GRM4: variants seen among roughly 807,000 people sequenced by gnomAD.
GRM4 encodes glutamate metabotropic receptor 4, also known as metabotropic glutamate receptor 4.
A neutral mutation model predicts 81.7 loss-of-function variants in GRM4; 28 were observed. The observed-to-expected ratio is 0.34, with a 90% confidence interval of 0.25 to 0.47. The LOEUF is 0.47. Ranked by LOEUF, GRM4 falls within the 20% of genes least tolerant of loss-of-function variation. The probability of loss-of-function intolerance (pLI) is 1.00; values close to 1 mark genes in which losing one functional copy is unlikely to be tolerated. For synonymous variants in GRM4, 488 were observed against 528.8 expected (o/e 0.92, Z 1.06); for missense variants, 948 against 1,290.0 (o/e 0.73, Z 4.06).
In GRM4 at chr6:34,133,521, A is replaced by G; in HGVS notation, c.-25T>C. 1 of 1,529,636 alleles carries G rather than the reference A, an allele frequency of 6.5e-7. No individual in the cohort carries two copies. Among genetic ancestry groups the G allele is most frequent in the Non-Finnish European group, 8.8e-7 (1 of 1,141,236 alleles). 94.8% of individuals were successfully genotyped at this position (1,529,636 alleles called of 1,614,324 possible). On this transcript the variant is annotated 5_prime_UTR_variant, in exon 2 of 11. Transcript: ENST00000538487. The surrounding 1 kb of genome is among the most constrained non-coding windows in gnomAD (Gnocchi z 6.5). ...TCTCGGAAATCCCTAGAGACCCATG[A>G]ACGGCAGGCCCACTCCTAGCCCTGG...
rs1767509380 is a variant in GRM4, at chr6:34,080,069, T to C, written c.736+11814A>G. Among the ~76,000 whole-genome samples, 1 of 152,204 alleles carries C rather than the reference T, an allele frequency of 6.6e-6. No homozygotes were observed. Among genetic ancestry groups the C allele is most frequent in the Non-Finnish European group, 1.5e-5 (1 of 68,018 alleles). On this transcript the variant is annotated intron_variant, in intron 3 of 10. Coordinates refer to ENST00000538487, the MANE Select transcript of GRM4 (RefSeq NM_000841.4). The surrounding 1 kb of genome is among the most constrained non-coding windows in gnomAD (Gnocchi z 5.4). ...CTCCCTGCCTCACTCATTCTGCCCC[T>C]GCCTCCTGGTTATTCTCCAAATGCC...
At chr6:34,052,681 G>T (rs1418361111) in intron 6 of GRM4, among the ~76,000 whole-genome samples, 2 of 152,204 alleles carry the variant, frequency 1.3e-5, no homozygotes, top group Non-Finnish European at 2.9e-5. Context: ...GTGGGGGCAG[G>T]TGGAGAATAG....
Position 34,133,106 on chromosome 6 carries a change from C to T in GRM4, c.391G>A (p.Gly131Ser). 6.2e-7 allele frequency: 1 copy of T among 1,614,054 alleles called. No homozygotes were observed. Among genetic ancestry groups the T allele is most frequent in the South Asian group, 1.1e-5 (1 of 91,054 alleles). Residue 131 changes from glycine (G) to serine (S), a missense_variant, in exon 2 of 11, where the codon GGC becomes AGC. Gly to Ser is a moderately conservative substitution (Grantham distance 56). Coordinates refer to ENST00000538487, the MANE Select transcript of GRM4 (RefSeq NM_000841.4). This position sits in a 1 kb window ranked among gnomAD's most constrained non-coding sequence, Gnocchi z 6.5. ...CCACTGCCACAGCGGACCTCTGTGC[C>T]ATCCTTCTCGATGAGCGCCTGCACA... ...TFVQALIEKD[G>S]TEVRCGSGGP...
intron 1 of GRM4, among the ~76,000 whole-genome samples, chr6:34,145,640 G>C (rs1770899440): frequency 6.6e-6 from 1 of 152,214 alleles, no homozygotes; most frequent in South Asian, 2.1e-4. Context: ...GCGCTGAGAG[G>C]GGAGGCTGCG....
At chr6:34,031,610 C>G (rs950247706) in intron 9 of GRM4, among the ~76,000 whole-genome samples, 1 of 152,224 alleles carries the variant, frequency 6.6e-6, no homozygotes, top group African/African-American at 2.4e-5. Flanking sequence ...TTCCCCACAC[C>G]CTGATTGCCT....
Position 34,092,953 on chromosome 6 carries a change from G to C in GRM4, c.520-854C>G, listed in dbSNP as rs1048344631. Among the ~76,000 whole-genome samples, 7 of 152,188 alleles carry C rather than the reference G, an allele frequency of 4.6e-5. No homozygotes were observed. The highest frequency in any genetic ancestry group is 1.4e-4 in the African/African-American group (6 of 41,554). Reference sequence around the variant, plus strand: ...CCTCTCCGCCCCTCCCCTCCAGGGCGCCACCCACTGCTCTGCTCTCCCGGC... The same window carrying C: ...CCTCTCCGCCCCTCCCCTCCAGGGCCCCACCCACTGCTCTGCTCTCCCGGC... On this transcript the variant is annotated intron_variant, in intron 2 of 10. Transcript: ENST00000538487. The surrounding 1 kb of genome is among the most constrained non-coding windows in gnomAD (Gnocchi z 6.8).
intron 5 of GRM4, among the ~76,000 whole-genome samples, chr6:34,056,933 G>A (rs1765926827): frequency 1.3e-5 from 2 of 152,220 alleles, no homozygotes; most frequent in Admixed American, 6.5e-5. Context: ...GAAGCACACC[G>A]ATGAGGATGT....
chr6:34,059,532 C>T lies in GRM4; in HGVS notation c.873-404G>A, dbSNP rs1316750172. ...TTCCTGGCTCATCCACCCCCACATT[C>T]CTTGCCCATTCTCACACGCATCCAC... On this transcript the variant is annotated intron_variant, in intron 4 of 10. Coordinates refer to ENST00000538487, the MANE Select transcript of GRM4 (RefSeq NM_000841.4). The surrounding 1 kb of genome is among the most constrained non-coding windows in gnomAD (Gnocchi z 5.7). 2 of 239,690 alleles carry T rather than the reference C, an allele frequency of 8.3e-6. No homozygotes were observed. The highest frequency in any genetic ancestry group is 5.0e-5 in the Admixed American group (1 of 19,802). 14.8% of individuals were successfully genotyped at this position (239,690 alleles called of 1,614,324 possible).
At chr6:34,085,676 C>T (rs1290908305) in intron 3 of GRM4, among the ~76,000 whole-genome samples, 1 of 152,192 alleles carries the variant, frequency 6.6e-6, no homozygotes, top group Non-Finnish European at 1.5e-5. Context: ...CTACTATGTG[C>T]CAGGGCTGTG....
chr6:34,133,824 A>G lies in GRM4; in HGVS notation c.-328T>C. The G allele has an allele frequency of 8.9e-7, 1 of 1,118,650 alleles. No homozygotes were observed. The highest frequency in any genetic ancestry group is 1.1e-6 in the Non-Finnish European group (1 of 916,138). The allele number at this position is 1,118,650 out of a possible 1,614,324, so 69.3% of individuals were successfully genotyped here. On this transcript the variant is annotated 5_prime_UTR_variant, in exon 2 of 11. Transcript: ENST00000538487. The surrounding 1 kb of genome is among the most constrained non-coding windows in gnomAD (Gnocchi z 6.5). ...CCTAGCTTGGCGTATCTTGGCATCA[A>G]GGAGAAAACAGCTCCAATCCTCTCC...
chr6:34,141,898 C>A (rs1283171234), intron 1 of GRM4, among the ~76,000 whole-genome samples: 1 of 152,142 alleles, frequency 6.6e-6, no homozygotes, highest in East Asian at 1.9e-4. Context: ...TCAGGTTCAT[C>A]TGGGAGGCAG....
At chr6:34,132,866 T>G in intron 2 of GRM4, 112 bp downstream of exon 2, 2 of 826,192 alleles carry the variant, frequency 2.4e-6, no homozygotes, top group East Asian at 2.6e-5. Context: ...TCCCTTAGAG[T>G]GAGGAAAAAA....
At position 34,069,608 on chromosome 6, in the gene GRM4, C is replaced by T. The variant is rs1342604134; in HGVS notation, c.737-7580G>A. ...TCCCCAGCTCATCAGTCTCCAGCCC[C>T]TCAACACACTCCCGGCTTTACAACC... On this transcript the variant is annotated intron_variant, in intron 3 of 10. Coordinates refer to ENST00000538487, the MANE Select transcript of GRM4 (RefSeq NM_000841.4). The surrounding 1 kb of genome is among the most constrained non-coding windows in gnomAD (Gnocchi z 6.4). 6.6e-6 allele frequency among the ~76,000 whole-genome samples: 1 copy of T among 152,050 alleles called. No homozygotes were observed. The highest frequency in any genetic ancestry group is 1.5e-5 in the Non-Finnish European group (1 of 67,998).
intron 3 of GRM4, among the ~76,000 whole-genome samples, chr6:34,073,247 C>CGTCATCGGAT (rs1767102568): frequency 0.011 from 2 of 188 alleles, no homozygotes; most frequent in Non-Finnish European, 0.028. Flanking sequence ...GCCACACACA[C>CGTCATCGGAT]ACATCACCAC....
At position 34,042,198 on chromosome 6, in the gene GRM4, G is replaced by A. The variant is rs551025997; in HGVS notation, c.1169-1450C>T. Among the ~76,000 whole-genome samples, 4 of 152,312 alleles carry A rather than the reference G, an allele frequency of 2.6e-5. No individual in the cohort carries two copies. The highest frequency in any genetic ancestry group is 2.0e-4 in the Admixed American group (3 of 15,308). On this transcript the variant is annotated intron_variant, in intron 6 of 10. Coordinates refer to ENST00000538487, the MANE Select transcript of GRM4 (RefSeq NM_000841.4). This position sits in a 1 kb window ranked among gnomAD's most constrained non-coding sequence, Gnocchi z 4.2. ...CAAGGATCACATGAACCCGGGAGGCGGAGCTTGCAGTGAGCTGAGATTGCA... is the reference window on the plus strand; with the variant it reads ...CAAGGATCACATGAACCCGGGAGGCAGAGCTTGCAGTGAGCTGAGATTGCA...
Position 34,058,965 on chromosome 6 carries a change from C to T in GRM4, c.1027+9G>A, listed in dbSNP as rs369310719. 5 of 1,610,118 alleles carry T rather than the reference C, an allele frequency of 3.1e-6. No individual in the cohort carries two copies. The highest frequency in any genetic ancestry group is 4.2e-6 in the Non-Finnish European group (5 of 1,179,288). ...ATGGTGCCGACCACCTGCACCCGCC[C>T]AGCCTTACCTCGTACGGACATCCTC... On this transcript the variant is annotated intron_variant, in intron 5 of 10. Transcript: ENST00000538487.
intron 1 of GRM4, among the ~76,000 whole-genome samples, chr6:34,154,016 A>G (rs1340000672): frequency 6.6e-6 from 1 of 151,716 alleles, no homozygotes; most frequent in Non-Finnish European, 1.5e-5. Context: ...GGTGTTTGGG[A>G]CTGTCTGTGG....
At chr6:34,105,858 A>T (rs1769100063) in intron 2 of GRM4, 1 of 152,140 alleles carries the variant, frequency 6.6e-6, no homozygotes, top group Non-Finnish European at 1.5e-5. Context: ...ACACATCCCA[A>T]ACCTGATTTA....
intron 2 of GRM4, among the ~76,000 whole-genome samples, chr6:34,097,183 G>T (rs1287860608): frequency 6.6e-6 from 1 of 152,222 alleles, no homozygotes; most frequent in East Asian, 1.9e-4. Context: ...GGGATGAGGA[G>T]CCAGGAGGAA....
Sources: allele counts gnomAD v4.1 joint callset (sites outside exome capture counted in the v4.1 genomes callset), GRCh38; gene constraint gnomAD v4.1.1; non-coding constraint Gnocchi (gnomAD v3.1); transcripts MANE v1.5; gene names NCBI Gene and HGNC (gene_info 2026-07-23, HGNC 2026-07-21).